CYLC2: variants seen among roughly 807,000 people sequenced by gnomAD.
The protein encoded by CYLC2 is cylicin 2.
Under a neutral mutation model 26.1 loss-of-function variants are expected in CYLC2, and 30 were observed. That is an observed-to-expected ratio of 1.15 (90% CI 0.86 to 1.56). The LOEUF is 1.56. CYLC2 is among the 40% of genes most tolerant of loss of function. The pLI, the probability that CYLC2 is intolerant of heterozygous loss-of-function variation, is 0.00. For synonymous variants in CYLC2, 158 were observed against 132.8 expected, an observed-to-expected ratio of 1.19 and a Z score of -1.31; for missense variants, 498 against 394.4, an observed-to-expected ratio of 1.26 and a Z score of -2.23.
chr9:103,007,999 C>A (rs1479046793), intron 5 of CYLC2, among the ~76,000 whole-genome samples: 1 of 152,078 alleles, frequency 6.6e-6, no homozygotes, highest in African/African-American at 2.4e-5. Context: ...GGAGTCAAAT[C>A]CTGGCCCTTT....
Position 103,005,476 on chromosome 9 carries a change from G to A in CYLC2, c.845G>A (p.Ser282Asn). 1 of 1,613,722 alleles carries A rather than the reference G, an allele frequency of 6.2e-7. No individual in the cohort carries two copies. Among genetic ancestry groups the A allele is most frequent in the South Asian group, 1.1e-5 (1 of 91,036 alleles). Reference protein sequence around the residue: ...KDKKKPSSTDSDSKDDVKKES... With the variant: ...KDKKKPSSTDNDSKDDVKKES... ...AAGAAGAAGCCCAGTAGTACAGACA[G>A]TGACTCAAAGGATGATGTCAAGAAA... is the stretch of plus-strand genomic sequence containing the variant. Residue 282 changes from serine (S) to asparagine (N), a missense_variant, in exon 5 of 8, where the codon AGT becomes AAT. Physicochemically the swap from Ser to Asn is conservative, Grantham distance 46. Transcript: ENST00000374798.
At chr9:103,014,174 A>G (rs1157954707) in intron 6 of CYLC2, among the ~76,000 whole-genome samples, 2 of 121,494 alleles carry the variant, frequency 1.6e-5, no homozygotes, top group East Asian at 4.8e-4. Context: ...TGAATATTAT[A>G]TATCTCATAT....
intron 6 of CYLC2, among the ~76,000 whole-genome samples, chr9:103,014,580 A>G (rs1385704024): frequency 2.8e-5 from 4 of 144,358 alleles, no homozygotes; most frequent in Non-Finnish European, 4.6e-5. Context: ...ATTATGCAGT[A>G]TACATCATAT....
chr9:103,011,525 A>C (rs1195349393), intron 5 of CYLC2, among the ~76,000 whole-genome samples: 1 of 152,066 alleles, frequency 6.6e-6, no homozygotes, highest in Non-Finnish European at 1.5e-5. Context: ...CACATGAGTG[A>C]CAAAAATGGG....
chr9:102,996,196 A>G (rs1035079454), intron 1 of CYLC2, among the ~76,000 whole-genome samples: 2 of 151,906 alleles, frequency 1.3e-5, no homozygotes, highest in African/African-American at 2.4e-5. Context: ...TAAAACAATC[A>G]TTAAAGTATA....
At chr9:102,999,901 G>A (rs912480976) in intron 1 of CYLC2, among the ~76,000 whole-genome samples, 11 of 151,644 alleles carry the variant, frequency 7.3e-5, no homozygotes, top group Non-Finnish European at 1.6e-4. Flanking sequence ...AATAATGTGG[G>A]ATATTCATCT....
chr9:103,002,357 C>CCCT (rs1564096841), intron 2 of CYLC2, among the ~76,000 whole-genome samples: 1 of 77,620 alleles, frequency 1.3e-5, no homozygotes. Context: ...CATTTGCCCC[C>CCCT]TTTTTTTTTT....
chr9:103,003,592 T>A (rs1829310230), intron 3 of CYLC2, among the ~76,000 whole-genome samples: 1 of 152,200 alleles, frequency 6.6e-6, no homozygotes, highest in African/African-American at 2.4e-5. Context: ...CAGTTAGAGA[T>A]AATTCAAAGT....
At chr9:102,999,784 C>G (rs907420231) in intron 1 of CYLC2, among the ~76,000 whole-genome samples, 2 of 151,752 alleles carry the variant, frequency 1.3e-5, no homozygotes, top group Non-Finnish European at 3.0e-5. Context: ...GATTTTAGGT[C>G]AAACCAACCT....
chr9:103,003,407 A>C (rs1829308696), intron 3 of CYLC2, 144 bp downstream of exon 3: 4 of 707,912 alleles, frequency 5.7e-6, no homozygotes, highest in Non-Finnish European at 8.7e-6. Context: ...TGTGTTATAG[A>C]TCAAAGCTGA....
At chr9:103,018,100 A>T (rs1379935100) in intron 7 of CYLC2, among the ~76,000 whole-genome samples, 1 of 152,020 alleles carries the variant, frequency 6.6e-6, no homozygotes, top group East Asian at 1.9e-4. Context: ...TTTAGTTTTA[A>T]TCACTCAGAA....
intron 6 of CYLC2, among the ~76,000 whole-genome samples, chr9:103,012,714 CG>C (rs1829420349): frequency 6.6e-6 from 1 of 151,708 alleles, no homozygotes; most frequent in Non-Finnish European, 1.5e-5. Flanking sequence ...TAAACAGAAA[CG>C]TACTCCAGGT....
chr9:103,008,770 G>C (rs990975670), intron 5 of CYLC2, among the ~76,000 whole-genome samples: 2 of 152,004 alleles, frequency 1.3e-5, no homozygotes, highest in Non-Finnish European at 2.9e-5. Flanking sequence ...TACACTAAAA[G>C]TCCAATCAAC....
rs1473883877 is a variant in CYLC2 at position 103,005,111 on chromosome 9, T to C, written c.480T>C (p.Asp160=). Residue 160 remains aspartate, a synonymous_variant, in exon 5 of 8, where the codon GAT becomes GAC. Transcript: ENST00000374798. The part of the protein sequence containing the change: ...GKEEKLDAKK[D]SKKGKKDAEK... ...AAGAAAAGCTAGATGCAAAGAAAGATAGCAAAAAAGGTAAAAAGGATGCAG... is the reference window on the plus strand; with the variant it reads ...AAGAAAAGCTAGATGCAAAGAAAGACAGCAAAAAAGGTAAAAAGGATGCAG... 35 of 1,605,782 alleles carry C rather than the reference T, an allele frequency of 2.2e-5. No homozygotes were observed. The Admixed American group carries it at 4.3e-4, about 20-fold the overall frequency.
chr9:103,007,881 T>A (rs573453457), intron 5 of CYLC2, among the ~76,000 whole-genome samples: 1 of 152,232 alleles, frequency 6.6e-6, no homozygotes, highest in African/African-American at 2.4e-5. Context: ...ACACTTAACA[T>A]TGGGTCCTGT....
At position 103,004,822 on chromosome 9, in the gene CYLC2, G is replaced by C. The variant is rs374978801; in HGVS notation, c.308G>C (p.Arg103Pro). 7 of 1,611,952 alleles carry C rather than the reference G, an allele frequency of 4.3e-6. No individual in the cohort carries two copies. The highest frequency in any genetic ancestry group is 5.9e-6 in the Non-Finnish European group (7 of 1,179,446). Residue 103 changes from arginine (R) to proline (P), a missense_variant, in exon 4 of 8, where the codon CGT becomes CCT. Arg to Pro is a moderately radical substitution (Grantham distance 103). Transcript: ENST00000374798. Reference sequence around the variant, plus strand: ...AGGAGGCAGCCTCTCAAACCAACTCGTACTGTCGAGGTGGATTCTAAAGCA... The same window carrying C: ...AGGAGGCAGCCTCTCAAACCAACTCCTACTGTCGAGGTGGATTCTAAAGCA... Reference protein sequence around the residue: ...AARRQPLKPTRTVEVDSKAAE... With the variant: ...AARRQPLKPTPTVEVDSKAAE...
intron 5 of CYLC2, among the ~76,000 whole-genome samples, chr9:103,009,382 T>C (rs1829382451): frequency 6.6e-6 from 1 of 151,868 alleles, no homozygotes; most frequent in African/African-American, 2.4e-5. Context: ...ATTTTTGTAT[T>C]TTGTAGAGAT....
intron 5 of CYLC2, among the ~76,000 whole-genome samples, chr9:103,009,452 C>A (rs1410014483): frequency 6.6e-6 from 1 of 152,090 alleles, no homozygotes; most frequent in Admixed American, 6.6e-5. Flanking sequence ...AATCCACCCG[C>A]CTCAGCCTCC....
Position 103,013,892 on chromosome 9 carries a change from T to C in CYLC2, c.*816+1795T>C, listed in dbSNP as rs570676738. 9.7e-4 allele frequency among the ~76,000 whole-genome samples: 110 copies of C among 113,342 alleles called. 3 individuals are homozygous for C. The Admixed American group carries it at 0.011, about 11-fold the overall frequency. The allele number at this position is 113,342 out of a possible 152,430, so 74.4% of individuals were successfully genotyped here. ...TATATTATACATATAATAAATAATA[T>C]ATTATATATAATATTATATTATACA... On this transcript the variant is annotated intron_variant, in intron 6 of 7. Transcript: ENST00000374798.
Sources: gnomAD v4.1 joint callset for allele counts (sites outside exome capture counted in the v4.1 genomes callset) on GRCh38, gnomAD v4.1.1 for gene constraint, MANE v1.5 for transcripts, NCBI Gene and HGNC (gene_info 2026-07-23, HGNC 2026-07-21) for gene names.